MYO5A: variants seen among roughly 807,000 people sequenced by gnomAD.
The protein encoded by MYO5A is myosin VA, also known as unconventional myosin-Va.
In MYO5A, 98 loss-of-function variants were observed where a neutral mutation model predicts 249.7. The observed-to-expected ratio is 0.39, with a 90% CI of 0.33 to 0.46. The LOEUF is 0.46. MYO5A is among the 20% of genes least tolerant of loss of function. MYO5A has a pLI of 0.98. For missense variants in MYO5A, 1,696 were observed against 2,308.8 expected, an observed-to-expected ratio of 0.73 and a Z score of 5.44; for synonymous variants, 778 against 810.6, an observed-to-expected ratio of 0.96 and a Z score of 0.68.
At chr15:52,353,482 G>C in intron 27 of MYO5A, 123 bp downstream of exon 27, 2 of 816,888 alleles carry the variant, frequency 2.4e-6, no homozygotes, top group Non-Finnish European at 4.3e-6. Flanking sequence ...GAATAAGGCT[G>C]AAGCTAGGAC....
intron 5 of MYO5A, among the ~76,000 whole-genome samples, chr15:52,410,779 T>C (rs770597067): frequency 6.6e-6 from 1 of 152,024 alleles, no homozygotes; most frequent in Non-Finnish European, 1.5e-5. Flanking sequence ...GGTTTCACCA[T>C]GTTGGCCAGG....
chr15:52,480,382 A>G (rs1175500025), intron 1 of MYO5A, among the ~76,000 whole-genome samples: 4 of 152,190 alleles, frequency 2.6e-5, no homozygotes, highest in Admixed American at 2.6e-4. Flanking sequence ...CAAATCTTAC[A>G]ATTGTTTAGC....
chr15:52,424,185 T>C (rs2075346943), intron 4 of MYO5A, among the ~76,000 whole-genome samples: 1 of 152,242 alleles, frequency 6.6e-6, no homozygotes, highest in Non-Finnish European at 1.5e-5. Flanking sequence ...AATTTTAAGC[T>C]TAAAAAATAA....
At chr15:52,455,065 C>T (rs1222849584) in intron 1 of MYO5A, among the ~76,000 whole-genome samples, 2 of 150,830 alleles carry the variant, frequency 1.3e-5, no homozygotes, top group Non-Finnish European at 3.0e-5. Flanking sequence ...ATTGACAAAC[C>T]TTGACCAAGG....
At chr15:52,471,705 C>G (rs1388585866) in intron 1 of MYO5A, among the ~76,000 whole-genome samples, 1 of 151,980 alleles carries the variant, frequency 6.6e-6, no homozygotes. Context: ...TTGGGGAGAG[C>G]TGGGGTGGGG....
intron 22 of MYO5A, 46 bp downstream of exon 22, chr15:52,370,123 T>C: frequency 1.2e-6 from 2 of 1,611,996 alleles, no homozygotes; most frequent in East Asian, 4.5e-5. Context: ...TGACAGCACC[T>C]CTCTTTTGTG....
At chr15:52,449,865 A>C (rs1319569923) in intron 1 of MYO5A, among the ~76,000 whole-genome samples, 13 of 152,222 alleles carry the variant, frequency 8.5e-5, no homozygotes, top group African/African-American at 3.1e-4. Flanking sequence ...GCCAGGTGTG[A>C]TAGCACATGC....
intron 1 of MYO5A, among the ~76,000 whole-genome samples, chr15:52,480,233 T>A (rs1484373186): frequency 2.6e-5 from 4 of 152,188 alleles, no homozygotes. Flanking sequence ...GATAGAAACT[T>A]GACTGGCAAA....
intron 2 of MYO5A, among the ~76,000 whole-genome samples, chr15:52,432,688 C>T (rs1256133877): frequency 1.3e-5 from 2 of 152,116 alleles, no homozygotes; most frequent in Non-Finnish European, 2.9e-5. Flanking sequence ...AAGCAGATGA[C>T]CAATAAATGT....
chr15:52,389,678 CGTG>C (rs1345597751), intron 12 of MYO5A, among the ~76,000 whole-genome samples: 1 of 152,086 alleles, frequency 6.6e-6, no homozygotes, highest in African/African-American at 2.4e-5. Flanking sequence ...GCTGGCCGGG[CGTG>C]GTGGCTCATG....
At position 52,313,758 on chromosome 15, in the gene MYO5A, G is replaced by C. The variant is rs928993387; in HGVS notation, c.5581C>G (p.Leu1861Val). 1 of 1,614,134 alleles carries C rather than the reference G, an allele frequency of 6.2e-7. No individual in the cohort carries two copies. The highest frequency in any genetic ancestry group is 2.2e-5 in the East Asian group (1 of 44,882). ...PVTFPFNPSS[L>V]ALETIQIPAS... Reference sequence around the variant, plus strand: ...GGAATCTGGATGGTTTCTAGTGCGAGGGAAGATGGGTTGAAAGGAAAGGTG... The same window carrying C: ...GGAATCTGGATGGTTTCTAGTGCGACGGAAGATGGGTTGAAAGGAAAGGTG... Residue 1861 changes from leucine (L) to valine (V), a missense_variant, in exon 42 of 42, where the codon CTC (leucine) becomes GTC (valine). This residue lies in a region of MYO5A where 625 missense variants were observed against 908.1 expected (regional missense o/e 0.69). Transcript: ENST00000399233.
chr15:52,343,162 T>C lies in MYO5A; in HGVS notation c.3995A>G (p.Asp1332Gly). ...TTCATAAACCAGCCACAGCTCTCCA[T>C]CCTCATTCAACTCATGGTAATCCAG... ...SALDYHELNE[D>G]GELWLVYEGL... Residue 1332 changes from aspartate (D) to glycine (G), a missense_variant, in exon 31 of 42, where the codon GAT becomes GGT. Coordinates refer to ENST00000399233, the MANE Select transcript of MYO5A (RefSeq NM_001382347.1). 1 of 1,614,054 alleles carries C rather than the reference T, an allele frequency of 6.2e-7. No homozygotes were observed. Among genetic ancestry groups the C allele is most frequent in the African/African-American group, 1.3e-5 (1 of 75,074 alleles).
chr15:52,382,060 A>C (rs1287259845), intron 16 of MYO5A, among the ~76,000 whole-genome samples: 1 of 151,402 alleles, frequency 6.6e-6, no homozygotes, highest in African/African-American at 2.4e-5. Flanking sequence ...CCGCCACTAC[A>C]CCCGGCTAAT....
At chr15:52,323,824 C>T (rs750387072) in intron 36 of MYO5A, 32 of 279,342 alleles carry the variant, frequency 1.1e-4, no homozygotes, top group Middle Eastern at 1.3e-3. Context: ...GCCAACATGG[C>T]GAAACCCCGT....
At chr15:52,317,887 T>C (rs972769500) in intron 39 of MYO5A, among the ~76,000 whole-genome samples, 7 of 152,170 alleles carry the variant, frequency 4.6e-5, no homozygotes, top group Admixed American at 3.9e-4. Flanking sequence ...CTGAGGTCAA[T>C]AGACACACAA....
chr15:52,407,915 T>C, intron 7 of MYO5A, 144 bp downstream of exon 7: 3 of 643,058 alleles, frequency 4.7e-6, no homozygotes, highest in East Asian at 2.8e-5. Flanking sequence ...CTATGGGTTA[T>C]TTTGAAGCCA....
chr15:52,351,033 A>T lies in MYO5A; in HGVS notation c.3849+221T>A, dbSNP rs28415349. 0.054 allele frequency among the ~76,000 whole-genome samples: 8,273 copies of T among 152,308 alleles called. 651 individuals carry two copies. The highest frequency in any genetic ancestry group is 0.18 in the African/African-American group (7,354 of 41,536). The stretch of plus-strand genomic sequence containing the variant: ...TTAATTTTAAAACTCATGAGAGATG[A>T]AACTTTGTGATCATTTGGGATTCCC... On this transcript the variant is annotated intron_variant, in intron 28 of 41. Transcript: ENST00000399233.
chr15:52,380,046 C>G lies in MYO5A; in HGVS notation c.2013-138G>C, dbSNP rs1258614624. The G allele has an allele frequency of 1.3e-5, 11 of 849,644 alleles. No individual in the cohort carries two copies. The Admixed American group carries it at 2.3e-4, about 17-fold the overall frequency. The allele number at this position is 849,644 out of a possible 1,614,324, so 52.6% of individuals were successfully genotyped here. ...AAAAGAAAGCTTTCAGAAGTCGGAG[C>G]AGTGATCAAAATGGAAAACTATGAG... On this transcript the variant is annotated intron_variant, in intron 16 of 41. Transcript: ENST00000399233.
chr15:52,411,636 G>A (rs1165145965), intron 5 of MYO5A, among the ~76,000 whole-genome samples: 2 of 151,990 alleles, frequency 1.3e-5, no homozygotes, highest in Non-Finnish European at 2.9e-5. Context: ...TCTTTCACTT[G>A]TGTAAAGCCT....
Sources: allele counts gnomAD v4.1 joint callset (sites outside exome capture counted in the v4.1 genomes callset), GRCh38; gene constraint gnomAD v4.1.1; regional missense constraint gnomAD v4.1.1; transcripts MANE v1.5; gene names NCBI Gene and HGNC (gene_info 2026-07-23, HGNC 2026-07-21).